The following RBFOX1 variants were observed in gnomAD, a reference collection of about 807,000 sequenced individuals.
RBFOX1 encodes RNA binding fox-1 homolog 1.
RBFOX1 carries 8 observed loss-of-function variants against 57.7 expected under a neutral mutation model. The ratio of observed to expected loss-of-function variants is 0.14; its 90% confidence interval spans 0.08 to 0.25. The LOEUF (loss-of-function observed/expected upper bound fraction) is 0.25. RBFOX1 is among the 10% of genes least tolerant of loss of function. RBFOX1 has a pLI of 1.00. For missense variants in RBFOX1, 611 were observed against 548.5 expected (o/e 1.11, Z -1.14); for synonymous variants, 326 against 222.4 (o/e 1.47, Z -4.15).
chr16:7,019,434 T>A (rs2094095125), intron 3 of RBFOX1, among the ~76,000 whole-genome samples: 1 of 152,050 alleles, frequency 6.6e-6, no homozygotes, highest in Admixed American at 6.6e-5. Context: ...GAGAGTGCAT[T>A]CATGCTGTTG....
intron 3 of RBFOX1, among the ~76,000 whole-genome samples, chr16:7,001,412 G>A (rs78234557): frequency 2.2e-5 from 3 of 136,826 alleles, no homozygotes; most frequent in Non-Finnish European, 4.7e-5. Flanking sequence ...ATATGTATAT[G>A]TATATGTATA....
At chr16:6,500,274 C>A (rs890657357) in intron 2 of RBFOX1, among the ~76,000 whole-genome samples, 2 of 152,144 alleles carry the variant, frequency 1.3e-5, no homozygotes, top group Non-Finnish European at 2.9e-5. Context: ...AGCAAGAAGA[C>A]CATCATCTGT....
chr16:6,255,286 G>T (rs1330611784), intron 1 of RBFOX1, among the ~76,000 whole-genome samples: 1 of 152,150 alleles, frequency 6.6e-6, no homozygotes, highest in Non-Finnish European at 1.5e-5. Context: ...GGAAAACTCT[G>T]TGGGTAGTTG....
At chr16:5,466,918 A>G (rs1044455283) in intron 1 of RBFOX1, among the ~76,000 whole-genome samples, 3 of 152,170 alleles carry the variant, frequency 2.0e-5, no homozygotes, top group African/African-American at 7.2e-5. Context: ...AGGAATTATC[A>G]TTCTGATCTG....
At chr16:5,405,954 G>A (rs373178273) in intron 1 of RBFOX1, among the ~76,000 whole-genome samples, 4 of 152,156 alleles carry the variant, frequency 2.6e-5, no homozygotes, top group South Asian at 2.1e-4. Context: ...AGAGAACATC[G>A]GGGACAGGGA....
At chr16:5,620,667 C>T (rs1452017296) in intron 3 of RBFOX1, among the ~76,000 whole-genome samples, 1 of 151,274 alleles carries the variant, frequency 6.6e-6, no homozygotes, top group Non-Finnish European at 1.5e-5. Flanking sequence ...ACCCTAATCT[C>T]ATTTTATTTA....
chr16:6,957,619 A>T (rs760995637), intron 3 of RBFOX1, among the ~76,000 whole-genome samples: 3 of 152,024 alleles, frequency 2.0e-5, no homozygotes, highest in Non-Finnish European at 4.4e-5. Context: ...TTTATCAGCA[A>T]GGTCTTTATG....
chr16:6,140,430 A>C (rs1391535870), intron 1 of RBFOX1, among the ~76,000 whole-genome samples: 1 of 152,022 alleles, frequency 6.6e-6, no homozygotes, highest in Non-Finnish European at 1.5e-5. Flanking sequence ...TCCTGGATTG[A>C]AGTGATCCAC....
At chr16:6,367,161 G>A (rs1417387720) in intron 2 of RBFOX1, among the ~76,000 whole-genome samples, 5 of 152,234 alleles carry the variant, frequency 3.3e-5, no homozygotes, top group East Asian at 1.9e-4. Flanking sequence ...GAGCTTTGAC[G>A]TCAGCACGTG....
intron 4 of RBFOX1, among the ~76,000 whole-genome samples, chr16:7,218,468 C>T (rs561285746): frequency 2.6e-4 from 39 of 152,206 alleles, no homozygotes; most frequent in Admixed American, 1.5e-3. Flanking sequence ...AGAGCTCATA[C>T]AGAAGAGGCA....
At chr16:5,475,921 C>G (rs1339682035) in intron 2 of RBFOX1, among the ~76,000 whole-genome samples, 3 of 152,212 alleles carry the variant, frequency 2.0e-5, no homozygotes, top group Admixed American at 6.5e-5. Flanking sequence ...TCCTCCTGCC[C>G]TGGCCTCCAA....
intron 2 of RBFOX1, among the ~76,000 whole-genome samples, chr16:6,635,763 A>C (rs1253358397): frequency 6.6e-6 from 1 of 152,186 alleles, no homozygotes; most frequent in Admixed American, 6.5e-5. Context: ...TTTACCCAAC[A>C]TAAACTATTT....
At chr16:6,562,995 G>C (rs2097204459) in intron 2 of RBFOX1, among the ~76,000 whole-genome samples, 1 of 148,372 alleles carries the variant, frequency 6.7e-6, no homozygotes, top group African/African-American at 2.5e-5. Flanking sequence ...CTTCCATGAA[G>C]CTTACCAGCA....
chr16:6,870,127 C>G (rs887605673), intron 3 of RBFOX1, among the ~76,000 whole-genome samples: 2 of 152,020 alleles, frequency 1.3e-5, no homozygotes, highest in East Asian at 1.9e-4. Context: ...TTGCATAAGG[C>G]TCTTGGACCA....
chr16:7,536,920 C>G (rs1446514324), intron 5 of RBFOX1, among the ~76,000 whole-genome samples: 1 of 152,182 alleles, frequency 6.6e-6, no homozygotes, highest in Non-Finnish European at 1.5e-5. Context: ...TTGGCATATT[C>G]CTGTGACAGG....
At chr16:6,803,186 T>A (rs1603626721) in intron 3 of RBFOX1, among the ~76,000 whole-genome samples, 1 of 152,106 alleles carries the variant, frequency 6.6e-6, no homozygotes, top group Non-Finnish European at 1.5e-5. Context: ...GGACACCAAA[T>A]GATTGAAAAT....
At chr16:6,532,630 T>TC (rs749468470) in intron 2 of RBFOX1, among the ~76,000 whole-genome samples, 6 of 152,122 alleles carry the variant, frequency 3.9e-5, no homozygotes, top group Non-Finnish European at 8.8e-5. Flanking sequence ...CTGGTGATCG[T>TC]CTCTTCTCGA....
intron 1 of RBFOX1, among the ~76,000 whole-genome samples, chr16:6,278,590 G>T (rs139193927): frequency 1.3e-5 from 2 of 151,644 alleles, no homozygotes; most frequent in African/African-American, 2.4e-5. Context: ...GAGCTTTTTC[G>T]TAGATTATCG....
chr16:5,835,904 C>A (rs1052419799), intron 3 of RBFOX1, among the ~76,000 whole-genome samples: 3 of 152,130 alleles, frequency 2.0e-5, no homozygotes, highest in African/African-American at 7.2e-5. Flanking sequence ...ACCTGCCTGG[C>A]CTTGCTCCTT....
Sources: allele counts gnomAD v4.1 joint callset (sites outside exome capture counted in the v4.1 genomes callset), GRCh38; gene constraint gnomAD v4.1.1; transcripts MANE v1.5; gene names NCBI Gene and HGNC (gene_info 2026-07-23, HGNC 2026-07-21).